The following POT1 variants were observed in gnomAD, a reference collection of about 807,000 sequenced individuals.
POT1 encodes protection of telomeres 1, also known as protection of telomeres protein 1.
In POT1, 47 loss-of-function variants were observed where a neutral mutation model predicts 78.5. The ratio of observed to expected loss-of-function variants is 0.60; its 90% confidence interval spans 0.47 to 0.76. The LOEUF is 0.76. POT1 is among the 30% of genes least tolerant of loss of function. The pLI is 0.00. For missense variants in POT1, 646 were observed against 749.9 expected (o/e 0.86, Z 1.62); for synonymous variants, 259 against 260.7 (o/e 0.99, Z 0.06).
chr7:124,912,687 T>C (rs1403300365), intron 3 of POT1, among the ~76,000 whole-genome samples: 2 of 152,184 alleles, frequency 1.3e-5, no homozygotes, highest in African/African-American at 2.4e-5. Flanking sequence ...AGGTATTCAA[T>C]ATATTGTTTA....
intron 2 of POT1, among the ~76,000 whole-genome samples, chr7:124,920,941 T>G (rs1161823976): frequency 4.0e-5 from 6 of 151,826 alleles, no homozygotes; most frequent in Admixed American, 1.3e-4. Context: ...AAAAAAAATT[T>G]TTTTAATTAG....
chr7:124,924,724 G>A (rs183016960), intron 2 of POT1, among the ~76,000 whole-genome samples: 1 of 152,126 alleles, frequency 6.6e-6, no homozygotes, highest in East Asian at 1.9e-4. Flanking sequence ...CAAAATACTA[G>A]CAAATTGAAT....
chr7:124,831,967 C>T (rs1206823287), intron 15 of POT1, among the ~76,000 whole-genome samples: 1 of 143,142 alleles, frequency 7.0e-6, no homozygotes, highest in Non-Finnish European at 1.5e-5. Context: ...TGGCATTATA[C>T]TACTTCTCTG....
intron 7 of POT1, among the ~76,000 whole-genome samples, chr7:124,865,958 G>C (rs1288694464): frequency 6.6e-6 from 1 of 152,032 alleles, no homozygotes; most frequent in Non-Finnish European, 1.5e-5. Flanking sequence ...GTAACACTTT[G>C]TTGTTTTCAT....
chr7:124,891,287 T>C (rs1796365307), intron 6 of POT1, among the ~76,000 whole-genome samples: 2 of 151,712 alleles, frequency 1.3e-5, no homozygotes, highest in Non-Finnish European at 3.0e-5. Flanking sequence ...GTTGTGACAG[T>C]TTTTGACTTA....
chr7:124,827,908 C>A (rs1271000378), intron 16 of POT1, among the ~76,000 whole-genome samples: 1 of 151,998 alleles, frequency 6.6e-6, no homozygotes, highest in Non-Finnish European at 1.5e-5. Flanking sequence ...TAACATACAC[C>A]TGTAATTCCA....
intron 3 of POT1, among the ~76,000 whole-genome samples, chr7:124,902,266 C>T (rs1796640287): frequency 6.6e-6 from 1 of 152,144 alleles, no homozygotes; most frequent in Non-Finnish European, 1.5e-5. Flanking sequence ...ATGTTAAGAG[C>T]AGCCAGAGAA....
intron 9 of POT1, among the ~76,000 whole-genome samples, chr7:124,858,569 A>C (rs1795502650): frequency 6.6e-6 from 1 of 152,014 alleles, no homozygotes; most frequent in Admixed American, 6.6e-5. Context: ...CAATTTGTTA[A>C]ACTAATGAAC....
intron 6 of POT1, among the ~76,000 whole-genome samples, chr7:124,874,858 G>A (rs1795952962): frequency 6.6e-6 from 1 of 151,340 alleles, no homozygotes; most frequent in South Asian, 2.1e-4. Flanking sequence ...AGGGAGAGAG[G>A]AATGGGAAGG....
intron 7 of POT1, among the ~76,000 whole-genome samples, chr7:124,869,533 AC>A (rs1415572801): frequency 6.6e-6 from 1 of 151,728 alleles, no homozygotes; most frequent in Non-Finnish European, 1.5e-5. Context: ...CAATTTTTTG[AC>A]GTTTAAATAA....
intron 6 of POT1, among the ~76,000 whole-genome samples, chr7:124,884,274 T>C (rs1796192129): frequency 6.6e-6 from 1 of 152,092 alleles, no homozygotes; most frequent in Non-Finnish European, 1.5e-5. Context: ...CCTAGCATCC[T>C]ATCCCAAAAT....
chr7:124,863,187 G>C (rs1795641271), intron 8 of POT1, among the ~76,000 whole-genome samples, 163 bp downstream of exon 8: 1 of 152,128 alleles, frequency 6.6e-6, no homozygotes, highest in African/African-American at 2.4e-5. Flanking sequence ...AGAGGTACAA[G>C]AGTAGAGCTG....
chr7:124,922,995 C>T (rs1470017255), intron 2 of POT1, among the ~76,000 whole-genome samples: 1 of 151,692 alleles, frequency 6.6e-6, no homozygotes, highest in African/African-American at 2.4e-5. Flanking sequence ...CAACAACATA[C>T]ATACATCTTC....
At chr7:124,891,846 C>T (rs936951751) in intron 6 of POT1, among the ~76,000 whole-genome samples, 2 of 151,610 alleles carry the variant, frequency 1.3e-5, no homozygotes, top group Non-Finnish European at 3.0e-5. Flanking sequence ...TAATTTGCAT[C>T]TTTTTATACT....
chr7:124,916,863 T>C (rs572472283), intron 2 of POT1, among the ~76,000 whole-genome samples: 2 of 152,202 alleles, frequency 1.3e-5, no homozygotes, highest in East Asian at 3.9e-4. Flanking sequence ...AGGACAGAAG[T>C]AGGGCAATGG....
chr7:124,829,027 T>C, intron 16 of POT1: 3 of 726,374 alleles, frequency 4.1e-6, no homozygotes, highest in South Asian at 1.4e-5. Context: ...AAAAACAAAA[T>C]AGTAAGGCAT....
At chr7:124,859,434 G>C (rs1430359186) in intron 8 of POT1, among the ~76,000 whole-genome samples, 1 of 151,898 alleles carries the variant, frequency 6.6e-6, no homozygotes, top group Admixed American at 6.6e-5. Context: ...AAATATTTTT[G>C]CACATAAATA....
chr7:124,844,982 ATCTG>A (rs1795130264), intron 12 of POT1, among the ~76,000 whole-genome samples: 1 of 152,178 alleles, frequency 6.6e-6, no homozygotes, highest in Non-Finnish European at 1.5e-5. Context: ...GCCTGTCTTT[ATCTG>A]TCTCTCACCA....
chr7:124,918,180 T>C (rs1374851059), intron 2 of POT1, among the ~76,000 whole-genome samples: 2 of 152,150 alleles, frequency 1.3e-5, no homozygotes, highest in Non-Finnish European at 2.9e-5. Flanking sequence ...ATTAGTAAAT[T>C]AAGACAAATT....
Sources: allele counts gnomAD v4.1 joint callset (sites outside exome capture counted in the v4.1 genomes callset), GRCh38; gene constraint gnomAD v4.1.1; transcripts MANE v1.5; gene names NCBI Gene and HGNC (gene_info 2026-07-23, HGNC 2026-07-21).